Variants in TSPAN1 observed in about 807,000 individuals in gnomAD.
The protein encoded by TSPAN1 is tetraspanin-1.
A neutral mutation model predicts 26.9 loss-of-function variants in TSPAN1; 23 were observed. The ratio of observed to expected loss-of-function variants is 0.85; its 90% CI spans 0.62 to 1.21. The LOEUF (loss-of-function observed/expected upper bound fraction) is 1.21. Ranked by LOEUF, TSPAN1 falls within the 50% of genes most tolerant of loss-of-function variation. TSPAN1 has a pLI of 0.00. For missense variants in TSPAN1, 283 were observed against 298.4 expected (o/e 0.95, Z 0.38); for synonymous variants, 115 against 114.8 (o/e 1.00, Z -0.01).
At chr1:46,189,129 G>A, downstream of TSPAN1, 5 of 1,491,374 alleles carry the variant, frequency 3.4e-6, no homozygotes, top group South Asian at 5.5e-5. Context: ...CCCTCCCCTT[G>A]GAGTTAGTAA....
chr1:46,185,968 A>C, downstream of TSPAN1: 1 of 187,360 alleles, frequency 5.3e-6, no homozygotes, highest in Non-Finnish European at 1.1e-5. Flanking sequence ...TGCCAGTTGG[A>C]CTCTTCATGT....
rs1426483164 is a variant in TSPAN1, at chr1:46,185,885, A to AT, written c.*353dup. On this transcript the variant is annotated 3_prime_UTR_variant, in exon 9 of 9. Transcript: ENST00000372003. ...GAGAAAGGCATTTTATAGCCTGGGCATAAGTGAAATCAGCAGAGCCTCTGG... is the reference window on the plus strand; with the variant it reads ...GAGAAAGGCATTTTATAGCCTGGGCATTAAGTGAAATCAGCAGAGCCTCTGG... The AT allele has an allele frequency of 3.0e-6, 1 of 331,816 alleles. No individual in the cohort carries two copies. Among genetic ancestry groups the AT allele is most frequent in the Non-Finnish European group, 5.6e-6 (1 of 179,672 alleles). The allele number at this position is 331,816 out of a possible 1,614,324, so 20.6% of individuals were successfully genotyped here. A position where few individuals can be genotyped will look rare whatever the true frequency, so the allele number is the denominator to read the frequency against.
At chr1:46,183,845 G>A (rs1657365877) in intron 3 of TSPAN1, 1 of 387,278 alleles carries the variant, frequency 2.6e-6, no homozygotes, top group Non-Finnish European at 4.9e-6. Context: ...GCCCAGAAAG[G>A]AAATAGGAGG....
At chr1:46,182,752 G>T (rs781714795) in intron 3 of TSPAN1, among the ~76,000 whole-genome samples, 54 of 152,140 alleles carry the variant, frequency 3.5e-4, no homozygotes, top group Non-Finnish European at 7.2e-4. Context: ...TTCTGATGTG[G>T]TCTGTGCCTT....
At chr1:46,194,640 C>G in the TSPAN1 span, 5 of 1,614,216 alleles carry the variant, frequency 3.1e-6, no homozygotes, top group Non-Finnish European at 4.2e-6. Flanking sequence ...TGTTTCTCCC[C>G]GAAGACAGGA....
In TSPAN1 at chr1:46,184,632, T is replaced by C. The variant is rs1365613547; in HGVS notation, c.303T>C (p.Val101=). The change falls in exon 5 of 9, where the codon GTT becomes GTC. Residue 101 remains valine (V), a synonymous_variant. Coordinates refer to ENST00000372003, the MANE Select transcript of TSPAN1 (RefSeq NM_005727.4). ...TCCTCCTCATCTTCATTGCTGAGGT[T>C]GCAGCTGCTGTGGTCGCCTTGGTGT... ...FILLLIFIAE[V]AAAVVALVYT... 1 of 1,614,228 alleles carries C rather than the reference T, an allele frequency of 6.2e-7. No individual in the cohort carries two copies. The highest frequency in any genetic ancestry group is 2.2e-5 in the East Asian group (1 of 44,884).
chr1:46,187,526 C>T (rs1030893167), downstream of TSPAN1, among the ~76,000 whole-genome samples: 68 of 152,170 alleles, frequency 4.5e-4, no homozygotes, highest in African/African-American at 1.4e-3. Context: ...GGGACCTGGC[C>T]AGAACCAAAC....
At chr1:46,181,011 G>A in intron 2 of TSPAN1, 89 bp from the exon 3 acceptor site, 2 of 1,111,728 alleles carry the variant, frequency 1.8e-6, no homozygotes. Context: ...CCTGGGGTCT[G>A]GCATATCTGG....
intron 1 of TSPAN1, chr1:46,176,580 C>T (rs1403059437): frequency 8.1e-6 from 11 of 1,350,026 alleles, no homozygotes; most frequent in South Asian, 1.5e-5. Flanking sequence ...TATTACAAGT[C>T]GTGGGCCCTG....
the TSPAN1 span, chr1:46,191,772 C>G: frequency 2.8e-6 from 1 of 358,570 alleles, no homozygotes; most frequent in African/African-American, 2.1e-5. Context: ...GTAGCTGGGA[C>G]TACAGGCGCC....
At position 46,185,147 on chromosome 1, in the gene TSPAN1, T is replaced by C. The variant is rs1657400118; in HGVS notation, c.594+32T>C. 4 of 1,613,990 alleles carry C rather than the reference T, an allele frequency of 2.5e-6. No homozygotes were observed. In the East Asian group the frequency reaches 8.9e-5, roughly 36 times the overall value. On this transcript the variant is annotated intron_variant, in intron 7 of 8. Transcript: ENST00000372003. ...GCTGGCATGAGTGGGTGGGGACTGT[T>C]TTCATGGCCTCAGAGTGGCAAACGG...
chr1:46,185,994 G>C (rs186051422), downstream of TSPAN1: 10 of 166,814 alleles, frequency 6.0e-5, no homozygotes, highest in Admixed American at 5.5e-4. Flanking sequence ...TGGGGAGAGG[G>C]GCCTAAACTG....
intron 1 of TSPAN1, chr1:46,176,309 C>T: frequency 1.3e-6 from 2 of 1,535,804 alleles, no homozygotes; most frequent in South Asian, 2.4e-5. Context: ...GGATTGATGG[C>T]TGCACTGCTG....
Position 46,184,671 on chromosome 1 carries a change from G to A in TSPAN1, c.339+3G>A. 1.2e-6 allele frequency: 2 copies of A among 1,614,208 alleles called. No homozygotes were observed. Among genetic ancestry groups the A allele is most frequent in the Non-Finnish European group, 1.7e-6 (2 of 1,180,028 alleles). On this transcript the variant is annotated splice_donor_region_variant and intron_variant, in intron 5 of 8. Coordinates refer to ENST00000372003, the MANE Select transcript of TSPAN1 (RefSeq NM_005727.4). ...TCGCCTTGGTGTACACCACAATGGT[G>A]AGACACTGGGATGGAGGAAGGGAAG...
At chr1:46,191,057 T>C in the TSPAN1 span, 3 of 422,988 alleles carry the variant, frequency 7.1e-6, no homozygotes, top group Non-Finnish European at 1.4e-5. Flanking sequence ...CCCTGCCTCT[T>C]GTAGTTCTCC....
intron 1 of TSPAN1, chr1:46,176,165 G>C: frequency 6.6e-7 from 1 of 1,520,768 alleles, no homozygotes. Flanking sequence ...ATGAGCCACC[G>C]CACCCAGCCT....
chr1:46,190,130 G>A, downstream of TSPAN1: 1 of 982,784 alleles, frequency 1.0e-6, no homozygotes, highest in South Asian at 1.7e-5. Context: ...ATGGAGTCTT[G>A]CTCTGTCGCC....
chr1:46,194,590 G>A, the TSPAN1 span: 3 of 1,614,168 alleles, frequency 1.9e-6, no homozygotes, highest in Non-Finnish European at 2.5e-6. Flanking sequence ...TCTTCAGCAG[G>A]ACTGGGTCCC....
At chr1:46,196,109 T>C in the TSPAN1 span, 1 of 1,613,556 alleles carries the variant, frequency 6.2e-7, no homozygotes, top group African/African-American at 1.3e-5. This position sits in a 1 kb window ranked among gnomAD's most constrained non-coding sequence, Gnocchi z 4.4. Context: ...GTCCAGCTTT[T>C]CACTCTGGCA....
Sources: gnomAD v4.1 joint callset for allele counts (sites outside exome capture counted in the v4.1 genomes callset) on GRCh38, gnomAD v4.1.1 for gene constraint, Gnocchi (gnomAD v3.1) non-coding constraint, MANE v1.5 for transcripts, NCBI Gene and HGNC (gene_info 2026-07-23, HGNC 2026-07-21) for gene names.